IRAK1BP1: variants seen among roughly 807,000 people sequenced by gnomAD.
The protein encoded by IRAK1BP1 is interleukin 1 receptor associated kinase 1 binding protein 1, also known as interleukin-1 receptor-associated kinase 1-binding protein 1.
A neutral mutation model predicts 28.0 loss-of-function variants in IRAK1BP1; 24 were observed. The ratio of observed to expected loss-of-function variants is 0.86; its 90% CI spans 0.62 to 1.20. The LOEUF (loss-of-function observed/expected upper bound fraction) is 1.20, where lower values mean the gene tolerates loss of function less well. IRAK1BP1 is among the 50% of genes most tolerant of loss of function. The probability of loss-of-function intolerance (pLI) is 0.00; values close to 1 mark genes in which losing one functional copy is unlikely to be tolerated. For missense variants in IRAK1BP1, 336 were observed against 316.7 expected, an observed-to-expected ratio of 1.06 and a Z score of -0.46; for synonymous variants, 131 against 116.3, an observed-to-expected ratio of 1.13 and a Z score of -0.81.
intron 1 of IRAK1BP1, among the ~76,000 whole-genome samples, chr6:78,876,658 G>A (rs1771014834): frequency 6.6e-6 from 1 of 152,130 alleles, no homozygotes; most frequent in African/African-American, 2.4e-5. Flanking sequence ...CCCTACCCAT[G>A]GGGTGACCAG....
At chr6:78,954,550 G>C in the IRAK1BP1 span, among the ~76,000 whole-genome samples, 1 of 151,822 alleles carries the variant, frequency 6.6e-6, no homozygotes, top group Admixed American at 6.6e-5. Context: ...ATTCAGATGA[G>C]AAAACTAAGG....
chr6:78,904,226 G>A (rs1772201641), downstream of IRAK1BP1, among the ~76,000 whole-genome samples: 2 of 152,134 alleles, frequency 1.3e-5, no homozygotes, highest in Admixed American at 6.5e-5. Context: ...GTAGTTTGTG[G>A]CTATGCAACA....
At chr6:78,925,581 C>T (rs1019058895) in intron 4 of IRAK1BP1, among the ~76,000 whole-genome samples, 6 of 152,144 alleles carry the variant, frequency 3.9e-5, no homozygotes, top group African/African-American at 1.4e-4. Flanking sequence ...TTATACACTG[C>T]TGCTGGTAGG....
At chr6:78,881,930 G>A (rs944205685) in intron 1 of IRAK1BP1, among the ~76,000 whole-genome samples, 1 of 152,100 alleles carries the variant, frequency 6.6e-6, no homozygotes, top group Non-Finnish European at 1.5e-5. Context: ...AAACATCAGT[G>A]TGAACTCATG....
At chr6:78,897,220 T>C (rs972165292) in intron 2 of IRAK1BP1, among the ~76,000 whole-genome samples, 1 of 136,958 alleles carries the variant, frequency 7.3e-6, no homozygotes, top group Non-Finnish European at 1.5e-5. Flanking sequence ...GCCAGTGCAC[T>C]CCAGCCTGGG....
chr6:78,954,836 G>C, the IRAK1BP1 span: 1 of 1,579,682 alleles, frequency 6.3e-7, no homozygotes, highest in Non-Finnish European at 8.6e-7. Flanking sequence ...GAGATCTACC[G>C]GCTGACGGAA....
chr6:78,935,568 CGGTAAG>C (rs1216366780), intron 4 of IRAK1BP1: 1 of 966,186 alleles, frequency 1.0e-6, no homozygotes, highest in African/African-American at 1.8e-5. Context: ...CAGTAACTTA[CGGTAAG>C]AAATCAATAA....
At chr6:78,931,610 T>G (rs1773046962) in intron 4 of IRAK1BP1, among the ~76,000 whole-genome samples, 1 of 152,222 alleles carries the variant, frequency 6.6e-6, no homozygotes, top group African/African-American at 2.4e-5. Flanking sequence ...TATAAAATTA[T>G]GTTTGTACCA....
intron 4 of IRAK1BP1, chr6:78,941,031 T>C (rs760018505): frequency 1.2e-6 from 2 of 1,613,938 alleles, no homozygotes; most frequent in South Asian, 2.2e-5. Context: ...CCTCCACGAT[T>C]CTTTTTCTGT....
At chr6:78,879,748 T>G (rs1193809250) in intron 1 of IRAK1BP1, among the ~76,000 whole-genome samples, 8 of 152,172 alleles carry the variant, frequency 5.3e-5, no homozygotes, top group Non-Finnish European at 8.8e-5. Context: ...GAGTCAGTAG[T>G]ACATGTCAGT....
At chr6:78,960,320 G>T in the IRAK1BP1 span, among the ~76,000 whole-genome samples, 1 of 152,078 alleles carries the variant, frequency 6.6e-6, no homozygotes, top group African/African-American at 2.4e-5. Context: ...AACAATTAGT[G>T]TATGTATACA....
At chr6:78,930,360 T>C (rs923198464) in intron 4 of IRAK1BP1, among the ~76,000 whole-genome samples, 1 of 152,210 alleles carries the variant, frequency 6.6e-6, no homozygotes, top group Non-Finnish European at 1.5e-5. Flanking sequence ...TTTAAGTATA[T>C]ATACAGTTGT....
In IRAK1BP1 at chr6:78,893,913, A is replaced by T. The variant is rs562874969; in HGVS notation, c.382-3916A>T. On this transcript the variant is annotated intron_variant, in intron 2 of 3. Coordinates refer to ENST00000369940, the MANE Select transcript of IRAK1BP1 (RefSeq NM_001010844.4). ...GCAAGACTCTGTCTCAAAAAAAAAG[A>T]TAACTGACTAAATAAATGATAATGA... 2.0e-5 allele frequency among the ~76,000 whole-genome samples: 3 copies of T among 152,292 alleles called. No homozygotes were observed. The South Asian group carries it at 6.2e-4, about 32-fold the overall frequency.
In IRAK1BP1 at chr6:78,941,312, G is replaced by A; in HGVS notation, c.*68-4096G>A. ...TACTTGAATGGTTCCTGGTACAAGA[G>A]CGTTGTTCTTACAATCTCCTAAAAG... On this transcript the variant is annotated intron_variant and NMD_transcript_variant, in intron 4 of 4. Transcript: ENST00000606868. The A allele has an allele frequency of 3.7e-6, 6 of 1,612,910 alleles. No homozygotes were observed. Among genetic ancestry groups the A allele is most frequent in the Non-Finnish European group, 5.1e-6 (6 of 1,179,352 alleles).
At chr6:78,968,379 T>C in the IRAK1BP1 span, among the ~76,000 whole-genome samples, 646 of 152,290 alleles carry the variant, frequency 4.2e-3, 3 homozygotes, top group African/African-American at 0.015. Context: ...AATAAACAGA[T>C]TTGGCCCTCT....
At chr6:78,925,536 CAGATTCTGACA>C (rs1475020450) in intron 4 of IRAK1BP1, among the ~76,000 whole-genome samples, 1 of 152,110 alleles carries the variant, frequency 6.6e-6, no homozygotes, top group Non-Finnish European at 1.5e-5. Context: ...CAAAACACAA[CAGATTCTGACA>C]AGGCTGCAGA....
At chr6:78,926,709 T>A (rs1445909179) in intron 4 of IRAK1BP1, among the ~76,000 whole-genome samples, 1 of 152,138 alleles carries the variant, frequency 6.6e-6, no homozygotes, top group Non-Finnish European at 1.5e-5. Flanking sequence ...ACTACATTTC[T>A]CAGCCTCTGA....
intron 2 of IRAK1BP1, among the ~76,000 whole-genome samples, chr6:78,893,618 T>A (rs1167000105): frequency 2.0e-5 from 3 of 151,960 alleles, no homozygotes; most frequent in African/African-American, 7.2e-5. Context: ...AAAAGATAAC[T>A]GACTAGGCTG....
the IRAK1BP1 span, chr6:78,957,744 T>C: frequency 1.3e-5 from 2 of 151,990 alleles, no homozygotes; most frequent in South Asian, 2.1e-4. Context: ...GTACAAAATA[T>C]AGAATTCATT....
Sources: allele counts gnomAD v4.1 joint callset (sites outside exome capture counted in the v4.1 genomes callset), GRCh38; gene constraint gnomAD v4.1.1; transcripts MANE v1.5; gene names NCBI Gene and HGNC (gene_info 2026-07-23, HGNC 2026-07-21).